TPO: variants seen among roughly 807,000 people sequenced by gnomAD.
TPO encodes the protein thyroid peroxidase.
TPO carries 78 observed loss-of-function variants against 96.9 expected under a neutral mutation model. That is an observed-to-expected ratio of 0.81 (90% confidence interval 0.67 to 0.97). TPO has a LOEUF of 0.97. Ranked by LOEUF, TPO falls within the 50% of genes least tolerant of loss-of-function variation. The pLI is 0.00. For missense variants in TPO, 1,252 were observed against 1,274.8 expected (o/e 0.98, Z 0.27); for synonymous variants, 547 against 538.0 (o/e 1.02, Z -0.23).
rs145167398 is a variant in TPO at position 1,479,054 on chromosome 2, A to G, written c.1338+1450A>G. Among the ~76,000 whole-genome samples, 788 of 152,362 alleles carry G rather than the reference A, an allele frequency of 5.2e-3. 12 individuals carry two copies. The highest frequency in any genetic ancestry group is 0.018 in the African/African-American group (764 of 41,588). On this transcript the variant is annotated intron_variant, in intron 8 of 16. Transcript: ENST00000329066. ...CTTGTCACTATGTGAAGTAAAAATCATCAGGCACCCACGTCGCTTTCAAGC... is the reference window on the plus strand; with the variant it reads ...CTTGTCACTATGTGAAGTAAAAATCGTCAGGCACCCACGTCGCTTTCAAGC...
At chr2:1,481,442 C>G (rs917830087) in intron 8 of TPO, among the ~76,000 whole-genome samples, 1 of 152,150 alleles carries the variant, frequency 6.6e-6, no homozygotes, top group Non-Finnish European at 1.5e-5. Context: ...CATCAGATAG[C>G]AGACCTATTT....
intron 14 of TPO, among the ~76,000 whole-genome samples, chr2:1,507,781 T>G (rs1333985084): frequency 3.9e-5 from 6 of 152,162 alleles, no homozygotes; most frequent in African/African-American, 1.4e-4. Context: ...AAGGAGATTT[T>G]GGGCTGAGAT....
intron 15 of TPO, among the ~76,000 whole-genome samples, chr2:1,532,724 CTTCCCAAATCCCCCCACTGTGTGCAATCT>C: frequency 3.0e-3 from 1 of 338 alleles, no homozygotes; most frequent in Non-Finnish European, 5.0e-3. Context: ...TGTGAGCAAC[CTTCCCAAATCCCCCCACTGTGTGCAATCT>C]CCCCATATCC....
intron 7 of TPO, among the ~76,000 whole-genome samples, chr2:1,468,463 G>A (rs1669102298): frequency 6.6e-6 from 1 of 152,138 alleles, no homozygotes; most frequent in African/African-American, 2.4e-5. Flanking sequence ...CTTCATTTAT[G>A]AAGCTTAGCT....
chr2:1,436,383 A>G lies in TPO; in HGVS notation c.481A>G (p.Arg161Gly), dbSNP rs768765704. 1 of 1,614,196 alleles carries G rather than the reference A, an allele frequency of 6.2e-7. No homozygotes were observed. The highest frequency in any genetic ancestry group is 8.5e-7 in the Non-Finnish European group (1 of 1,180,034). Residue 161 changes from arginine to glycine, a missense_variant and splice_region_variant, in exon 5 of 17, where the codon AGA (arginine) becomes GGA (glycine). Physicochemically the swap from Arg to Gly is moderately radical, Grantham distance 125 (BLOSUM62 -2). Coordinates refer to ENST00000329066, the MANE Select transcript of TPO (RefSeq NM_001206744.2). ...YRPITGACNN[R>G]DHPRWGASNT... is the part of the protein sequence containing the mutation. ...GCCCATCACAGGAGCTTGCAACAAC[A>G]GGTATTGTTTGTGGATTTTCTTAAT...
At chr2:1,500,604 A>G (rs1053316189) in intron 13 of TPO, among the ~76,000 whole-genome samples, 1 of 152,222 alleles carries the variant, frequency 6.6e-6, no homozygotes, top group African/African-American at 2.4e-5. Flanking sequence ...ATACAGAAAA[A>G]CAAATAGTAT....
chr2:1,389,302 G>A (rs934949741), intron 1 of TPO, among the ~76,000 whole-genome samples: 34 of 152,130 alleles, frequency 2.2e-4, no homozygotes, highest in Admixed American at 2.0e-3. Context: ...TCTGGTGTCC[G>A]GGTTATTGAT....
At chr2:1,482,234 C>T (rs369010384) in intron 8 of TPO, among the ~76,000 whole-genome samples, 2 of 152,180 alleles carry the variant, frequency 1.3e-5, no homozygotes, top group Admixed American at 6.5e-5. Flanking sequence ...CTGGTCTCCC[C>T]GTGTGCTGGG....
At chr2:1,492,328 T>C (rs1671851055) in intron 10 of TPO, among the ~76,000 whole-genome samples, 1 of 152,116 alleles carries the variant, frequency 6.6e-6, no homozygotes, top group South Asian at 2.1e-4. Flanking sequence ...CTAATTTTTG[T>C]ATTTTTAGTA....
intron 15 of TPO, among the ~76,000 whole-genome samples, chr2:1,520,819 G>A (rs891222460): frequency 7.9e-5 from 12 of 152,070 alleles, no homozygotes; most frequent in East Asian, 1.9e-4. Flanking sequence ...TAGACCTTTC[G>A]CCATGGAGGT....
chr2:1,519,502 A>G (rs1675035880), intron 15 of TPO, among the ~76,000 whole-genome samples: 2 of 152,246 alleles, frequency 1.3e-5, no homozygotes, highest in African/African-American at 2.4e-5. Context: ...TGTTTTGGAA[A>G]GAGAGTACTT....
At chr2:1,529,835 C>T (rs866650457) in intron 15 of TPO, among the ~76,000 whole-genome samples, 2,165 of 125,546 alleles carry the variant, frequency 0.017, no homozygotes, top group Non-Finnish European at 0.02. Context: ...CCCCAAATCC[C>T]CCCGACGCTG....
At chr2:1,392,484 G>T (rs1470144855) in intron 1 of TPO, among the ~76,000 whole-genome samples, 1 of 152,160 alleles carries the variant, frequency 6.6e-6, no homozygotes, top group East Asian at 1.9e-4. Flanking sequence ...TTGTGTCTCT[G>T]CCAGGCTTTG....
chr2:1,431,307 T>C (rs1664956354), intron 3 of TPO, among the ~76,000 whole-genome samples: 1 of 152,158 alleles, frequency 6.6e-6, no homozygotes, highest in African/African-American at 2.4e-5. Flanking sequence ...GTGAGACACC[T>C]GCTCCTGCTG....
chr2:1,461,324 T>C (rs1668410973), intron 7 of TPO, among the ~76,000 whole-genome samples: 1 of 152,230 alleles, frequency 6.6e-6, no homozygotes, highest in Non-Finnish European at 1.5e-5. Flanking sequence ...AATATATTAA[T>C]GTGGGTTCAA....
At chr2:1,448,301 G>T (rs576868489) in intron 5 of TPO, among the ~76,000 whole-genome samples, 1 of 152,338 alleles carries the variant, frequency 6.6e-6, no homozygotes, top group African/African-American at 2.4e-5. Context: ...CCTGCATGCA[G>T]CTCCTGCACG....
At chr2:1,457,865 A>T (rs1046327410) in intron 7 of TPO, among the ~76,000 whole-genome samples, 1 of 152,018 alleles carries the variant, frequency 6.6e-6, no homozygotes, top group African/African-American at 2.4e-5. Context: ...GTGTATTAGC[A>T]TATATGATCT....
intron 15 of TPO, among the ~76,000 whole-genome samples, chr2:1,519,291 C>T (rs1354150597): frequency 6.6e-6 from 1 of 152,162 alleles, no homozygotes; most frequent in Non-Finnish European, 1.5e-5. Context: ...GGAGCGAGAG[C>T]CTGTTACTTG....
intron 12 of TPO, among the ~76,000 whole-genome samples, 183 bp from the exon 13 acceptor site, chr2:1,496,412 G>A (rs920738171): frequency 2.0e-5 from 3 of 152,188 alleles, no homozygotes; most frequent in Admixed American, 1.3e-4. Flanking sequence ...AAGGGAGCCC[G>A]CGGGGCCCGA....
Sources: allele counts gnomAD v4.1 joint callset (sites outside exome capture counted in the v4.1 genomes callset), GRCh38; gene constraint gnomAD v4.1.1; transcripts MANE v1.5; gene names NCBI Gene and HGNC (gene_info 2026-07-23, HGNC 2026-07-21).